Variants in VTI1A observed in about 807,000 individuals in gnomAD.
VTI1A encodes vesicle transport through interaction with t-SNAREs homolog 1A.
VTI1A carries 22 observed loss-of-function variants against 34.9 expected under a neutral mutation model. That is an observed-to-expected ratio of 0.63 (90% CI 0.45 to 0.90). The LOEUF is 0.90. Ranked by LOEUF, VTI1A falls within the 40% of genes least tolerant of loss-of-function variation. The pLI is 0.00. For synonymous variants in VTI1A, 87 were observed against 97.3 expected (o/e 0.89, Z 0.62); for missense variants, 268 against 275.6 (o/e 0.97, Z 0.20).
intron 7 of VTI1A, among the ~76,000 whole-genome samples, chr10:112,793,377 G>C (rs932708209): frequency 6.6e-6 from 1 of 152,192 alleles, no homozygotes; most frequent in African/African-American, 2.4e-5. Context: ...AGCATCTGAG[G>C]CTGTATACTG....
At chr10:112,659,676 CAT>C (rs1177351562) in intron 5 of VTI1A, among the ~76,000 whole-genome samples, 1 of 152,156 alleles carries the variant, frequency 6.6e-6, no homozygotes, top group African/African-American at 2.4e-5. Flanking sequence ...AGTGTTAAAA[CAT>C]AATTGCTTAA....
At chr10:112,573,459 A>G (rs1241464784) in intron 5 of VTI1A, among the ~76,000 whole-genome samples, 1 of 152,256 alleles carries the variant, frequency 6.6e-6, no homozygotes, top group Non-Finnish European at 1.5e-5. Context: ...TATTAGACAT[A>G]AAATGACAAT....
intron 7 of VTI1A, among the ~76,000 whole-genome samples, chr10:112,753,743 G>A (rs753094376): frequency 8.6e-5 from 13 of 152,046 alleles, no homozygotes; most frequent in Non-Finnish European, 1.8e-4. Flanking sequence ...ATTATTTTTC[G>A]TGAATATATT....
intron 5 of VTI1A, among the ~76,000 whole-genome samples, chr10:112,567,955 A>G (rs1398285243): frequency 6.6e-6 from 1 of 152,142 alleles, no homozygotes; most frequent in African/African-American, 2.4e-5. Flanking sequence ...TTCTCTTTAT[A>G]TGTTTTTGAA....
At chr10:112,460,446 G>A in intron 1 of VTI1A, 78 bp from the exon 2 acceptor site, 4 of 1,262,692 alleles carry the variant, frequency 3.2e-6, no homozygotes, top group East Asian at 2.6e-5. Flanking sequence ...AAGGAAAAAG[G>A]CATATAAAAA....
intron 5 of VTI1A, among the ~76,000 whole-genome samples, chr10:112,581,445 C>A (rs1336795567): frequency 6.6e-6 from 1 of 152,184 alleles, no homozygotes; most frequent in Non-Finnish European, 1.5e-5. Context: ...ATAAAAATCA[C>A]CTTGTGTAAG....
At chr10:112,684,717 G>C (rs924420420) in intron 7 of VTI1A, among the ~76,000 whole-genome samples, 1 of 152,076 alleles carries the variant, frequency 6.6e-6, no homozygotes, top group East Asian at 1.9e-4. Flanking sequence ...GGGATTACAG[G>C]TGTGAGCCAC....
chr10:112,707,115 T>A (rs1323602428), intron 7 of VTI1A, among the ~76,000 whole-genome samples: 1 of 152,202 alleles, frequency 6.6e-6, no homozygotes, highest in Non-Finnish European at 1.5e-5. Context: ...CCTTTAAGCC[T>A]CATCCTCCAT....
At chr10:112,849,242 G>A in the VTI1A span, among the ~76,000 whole-genome samples, 2 of 152,266 alleles carry the variant, frequency 1.3e-5, no homozygotes, top group East Asian at 3.8e-4. Flanking sequence ...ATCTGCAACT[G>A]TTAAGACTCC....
intron 7 of VTI1A, among the ~76,000 whole-genome samples, chr10:112,729,106 C>T (rs1210583002): frequency 1.3e-5 from 2 of 152,024 alleles, no homozygotes; most frequent in African/African-American, 4.8e-5. Context: ...AGGTTCCAAA[C>T]CACTTTTTAC....
intron 5 of VTI1A, among the ~76,000 whole-genome samples, chr10:112,620,163 T>C (rs934998594): frequency 6.6e-6 from 1 of 152,208 alleles, no homozygotes; most frequent in Non-Finnish European, 1.5e-5. Flanking sequence ...TATTGGACTT[T>C]AGTAGAATTT....
intron 5 of VTI1A, among the ~76,000 whole-genome samples, chr10:112,572,586 C>T (rs1007313147): frequency 7.2e-5 from 11 of 152,154 alleles, no homozygotes; most frequent in African/African-American, 2.7e-4. Flanking sequence ...CGCCTGTAAT[C>T]CCAGCACTTT....
At chr10:112,517,407 A>T (rs555223089) in intron 3 of VTI1A, among the ~76,000 whole-genome samples, 2 of 152,244 alleles carry the variant, frequency 1.3e-5, no homozygotes, top group South Asian at 4.1e-4. Flanking sequence ...ATGATTGAGT[A>T]ATGATTGAAT....
intron 5 of VTI1A, among the ~76,000 whole-genome samples, chr10:112,569,127 C>T (rs1852019358): frequency 6.6e-6 from 1 of 150,534 alleles, no homozygotes; most frequent in Non-Finnish European, 1.5e-5. Flanking sequence ...TGCCCTGCAG[C>T]GTGGGCACAG....
At chr10:112,579,707 G>A (rs1470032008) in intron 5 of VTI1A, among the ~76,000 whole-genome samples, 1 of 152,108 alleles carries the variant, frequency 6.6e-6, no homozygotes, top group Admixed American at 6.5e-5. Context: ...ATCACCCAGA[G>A]AATACTAATA....
intron 5 of VTI1A, among the ~76,000 whole-genome samples, chr10:112,633,552 A>G (rs923168579): frequency 6.6e-6 from 1 of 152,236 alleles, no homozygotes; most frequent in South Asian, 2.1e-4. Flanking sequence ...ACAACACAGC[A>G]GGATACCCAG....
intron 7 of VTI1A, among the ~76,000 whole-genome samples, chr10:112,756,527 T>C (rs2134000526): frequency 6.6e-6 from 1 of 152,306 alleles, no homozygotes; most frequent in South Asian, 2.1e-4. Flanking sequence ...AAGCCGGTCT[T>C]TATTAAACAC....
At position 112,774,813 on chromosome 10, in the gene VTI1A, T is replaced by C. The variant is rs1465473249; in HGVS notation, c.561-40477T>C. Among the ~76,000 whole-genome samples the C allele has an allele frequency of 2.0e-5, 3 of 152,146 alleles. No homozygotes were observed. The East Asian group carries it at 5.8e-4, about 29-fold the overall frequency. ...TAGCAGTCCCAGAATGAAACAGATT[T>C]CGTGTGTGTGCACGGAGAAGCCCCC... On this transcript the variant is annotated intron_variant, in intron 7 of 7. Coordinates refer to ENST00000393077, the MANE Select transcript of VTI1A (RefSeq NM_145206.4).
At chr10:112,557,907 C>T (rs1384172485) in intron 5 of VTI1A, among the ~76,000 whole-genome samples, 1 of 152,158 alleles carries the variant, frequency 6.6e-6, no homozygotes, top group East Asian at 1.9e-4. Flanking sequence ...TACACCTCAA[C>T]TCTTGAATTT....
Sources: allele counts gnomAD v4.1 joint callset (sites outside exome capture counted in the v4.1 genomes callset), GRCh38; gene constraint gnomAD v4.1.1; transcripts MANE v1.5; gene names NCBI Gene and HGNC (gene_info 2026-07-23, HGNC 2026-07-21).